Variants in LIN7A observed in about 807,000 individuals in gnomAD.
The protein encoded by LIN7A is protein lin-7 homolog A.
LIN7A carries 25 observed loss-of-function variants against 29.8 expected under a neutral mutation model. The ratio of observed to expected loss-of-function variants is 0.84; its 90% CI spans 0.61 to 1.17. The LOEUF (loss-of-function observed/expected upper bound fraction) is 1.17. LIN7A is among the 50% of genes most tolerant of loss of function. The pLI is 0.00. For synonymous variants in LIN7A, 118 were observed against 107.5 expected, an observed-to-expected ratio of 1.10 and a Z score of -0.60; for missense variants, 239 against 287.0, an observed-to-expected ratio of 0.83 and a Z score of 1.21.
At chr12:80,838,064 T>A (rs928037612) in intron 4 of LIN7A, among the ~76,000 whole-genome samples, 2 of 152,182 alleles carry the variant, frequency 1.3e-5, no homozygotes, top group Non-Finnish European at 2.9e-5. Flanking sequence ...TGAGAAAGAC[T>A]GCACCAGTAA....
intron 2 of LIN7A, among the ~76,000 whole-genome samples, chr12:80,855,856 C>T (rs915839117): frequency 6.6e-6 from 1 of 152,114 alleles, no homozygotes; most frequent in Non-Finnish European, 1.5e-5. Flanking sequence ...GATTCATCTA[C>T]TAAGGAAGAG....
At chr12:80,926,600 A>G (rs1177198813) in intron 1 of LIN7A, among the ~76,000 whole-genome samples, 1 of 152,130 alleles carries the variant, frequency 6.6e-6, no homozygotes, top group Admixed American at 6.5e-5. Context: ...CATTGGTTAA[A>G]CCATTTTTGT....
At chr12:80,911,570 T>C (rs914138143) in intron 1 of LIN7A, among the ~76,000 whole-genome samples, 4 of 152,224 alleles carry the variant, frequency 2.6e-5, no homozygotes, top group Non-Finnish European at 1.5e-5. Context: ...AAAACAAATA[T>C]AATCTTAGAC....
chr12:80,907,237 G>A (rs1401903430), intron 1 of LIN7A, among the ~76,000 whole-genome samples: 5 of 152,086 alleles, frequency 3.3e-5, no homozygotes, highest in South Asian at 2.1e-4. Flanking sequence ...TATCTTTCAG[G>A]AATTCTTCAA....
intron 1 of LIN7A, among the ~76,000 whole-genome samples, chr12:80,892,332 G>A (rs1875667942): frequency 6.6e-6 from 1 of 152,160 alleles, no homozygotes; most frequent in Non-Finnish European, 1.5e-5. Flanking sequence ...TGATGAGACT[G>A]GCTCAGGAAG....
chr12:80,874,314 T>C lies in LIN7A; in HGVS notation c.201+14937A>G, dbSNP rs150177700. ...GAAAAGAACTATGGGCACATTTAAATAGACATGCATATTTGTGGTAGATCC... is the reference window on the plus strand; with the variant it reads ...GAAAAGAACTATGGGCACATTTAAACAGACATGCATATTTGTGGTAGATCC... On this transcript the variant is annotated intron_variant, in intron 2 of 5. Transcript: ENST00000552864. Among the ~76,000 whole-genome samples the C allele has an allele frequency of 8.5e-5, 13 of 152,338 alleles. No individual in the cohort carries two copies. The East Asian group carries it at 1.9e-3, about 23-fold the overall frequency.
chr12:80,901,819 A>T (rs955133521), intron 1 of LIN7A, among the ~76,000 whole-genome samples: 1 of 152,088 alleles, frequency 6.6e-6, no homozygotes, highest in Non-Finnish European at 1.5e-5. Context: ...TTACCTTATC[A>T]TTACTATATC....
At chr12:80,859,165 T>A (rs751233406) in intron 2 of LIN7A, among the ~76,000 whole-genome samples, 3 of 152,172 alleles carry the variant, frequency 2.0e-5, no homozygotes, top group Admixed American at 6.5e-5. Context: ...ACACCGTTAA[T>A]ACTGCATCAT....
intron 1 of LIN7A, among the ~76,000 whole-genome samples, chr12:80,890,343 G>C (rs1875557947): frequency 6.6e-6 from 1 of 152,070 alleles, no homozygotes; most frequent in African/African-American, 2.4e-5. Context: ...CGATTCCTAA[G>C]TGCCTAGCTC....
At chr12:80,873,378 AAAAATT>A (rs1874517439) in intron 2 of LIN7A, among the ~76,000 whole-genome samples, 1 of 151,774 alleles carries the variant, frequency 6.6e-6, no homozygotes, top group South Asian at 2.1e-4. Flanking sequence ...AACAATTTTT[AAAAATT>A]AAGTGGGGCA....
At chr12:80,821,883 G>A (rs910145302) in intron 4 of LIN7A, among the ~76,000 whole-genome samples, 5 of 152,180 alleles carry the variant, frequency 3.3e-5, no homozygotes, top group African/African-American at 1.2e-4. Flanking sequence ...AGCTGCCTGT[G>A]CCTGCTCAGA....
chr12:80,843,634 G>A (rs1872924022), intron 4 of LIN7A, among the ~76,000 whole-genome samples: 1 of 152,098 alleles, frequency 6.6e-6, no homozygotes, highest in Admixed American at 6.6e-5. Context: ...TCAAAGGTTT[G>A]TATGACCAAA....
chr12:80,849,428 C>T (rs1270746128), intron 2 of LIN7A, among the ~76,000 whole-genome samples: 1 of 152,112 alleles, frequency 6.6e-6, no homozygotes, highest in African/African-American at 2.4e-5. Context: ...TTGTAATAAA[C>T]TCTCTCAAAT....
At chr12:80,901,468 C>A (rs1450961133) in intron 1 of LIN7A, among the ~76,000 whole-genome samples, 1 of 152,092 alleles carries the variant, frequency 6.6e-6, no homozygotes, top group Non-Finnish European at 1.5e-5. Context: ...ATTTCCCTAA[C>A]TTAGTACATA....
At chr12:80,885,269 T>G (rs1565915479) in intron 2 of LIN7A, among the ~76,000 whole-genome samples, 1 of 152,156 alleles carries the variant, frequency 6.6e-6, no homozygotes, top group African/African-American at 2.4e-5. Flanking sequence ...AAGTTTAGGC[T>G]AATCTAGCTA....
chr12:80,814,861 G>T (rs1871459147), intron 4 of LIN7A, among the ~76,000 whole-genome samples: 1 of 152,178 alleles, frequency 6.6e-6, no homozygotes, highest in Non-Finnish European at 1.5e-5. Flanking sequence ...CAACAGGTCT[G>T]TTGGTTTGGC....
chr12:80,882,201 T>C (rs1875081047), intron 2 of LIN7A, among the ~76,000 whole-genome samples: 1 of 151,702 alleles, frequency 6.6e-6, no homozygotes, highest in Admixed American at 6.6e-5. Flanking sequence ...GCAATGCTAA[T>C]GGTTTCTCTA....
At chr12:80,892,968 A>G (rs1875703922) in intron 1 of LIN7A, among the ~76,000 whole-genome samples, 1 of 152,220 alleles carries the variant, frequency 6.6e-6, no homozygotes, top group East Asian at 1.9e-4. Context: ...ATTGAAATGC[A>G]GATGCCTAAT....
chr12:80,804,680 A>T (rs1246465414), intron 5 of LIN7A, among the ~76,000 whole-genome samples: 1 of 151,744 alleles, frequency 6.6e-6, no homozygotes, highest in Non-Finnish European at 1.5e-5. Context: ...CTGGGATTAT[A>T]GGCGTGTGTC....
Sources: allele counts gnomAD v4.1 joint callset (sites outside exome capture counted in the v4.1 genomes callset), GRCh38; gene constraint gnomAD v4.1.1; transcripts MANE v1.5; gene names NCBI Gene and HGNC (gene_info 2026-07-23, HGNC 2026-07-21).